TET3: variants seen among roughly 807,000 people sequenced by gnomAD.
TET3 encodes the protein methylcytosine dioxygenase TET3.
TET3 carries 19 observed loss-of-function variants against 141.4 expected under a neutral mutation model. The ratio of observed to expected loss-of-function variants is 0.13; its 90% CI spans 0.09 to 0.20. The LOEUF (loss-of-function observed/expected upper bound fraction) is 0.20. TET3 is among the 10% of genes least tolerant of loss of function. The pLI, the probability that TET3 is intolerant of heterozygous loss-of-function variation, is 1.00. For missense variants in TET3, 1,874 were observed against 2,356.9 expected, an observed-to-expected ratio of 0.80 and a Z score of 4.24; for synonymous variants, 1,043 against 980.9, an observed-to-expected ratio of 1.06 and a Z score of -1.18.
chr2:74,124,662 A>G, the TET3 span, among the ~76,000 whole-genome samples: 3 of 152,158 alleles, frequency 2.0e-5, no homozygotes, highest in Admixed American at 6.5e-5. Flanking sequence ...TGCTGTGTCC[A>G]CTCAGGGTTA....
Position 74,104,891 on chromosome 2 carries a change from A to G in TET3, c.*2715A>G, listed in dbSNP as rs1297914684. The G allele has an allele frequency of 6.2e-6, 2 of 320,952 alleles. No individual in the cohort carries two copies. The highest frequency in any genetic ancestry group is 1.1e-5 in the Non-Finnish European group (2 of 178,500). 19.9% of individuals were successfully genotyped at this position (320,952 alleles called of 1,614,324 possible). On this transcript the variant is annotated 3_prime_UTR_variant, in exon 12 of 12. Transcript: ENST00000409262. ...TCCATTGGATGTCCCCACTCCCCGCAGAATGGCGTTTCCAGAGTTAGGCGG... is the reference window on the plus strand; with the variant it reads ...TCCATTGGATGTCCCCACTCCCCGCGGAATGGCGTTTCCAGAGTTAGGCGG...
At chr2:74,130,637 T>C in the TET3 span, 1 of 152,300 alleles carries the variant, frequency 6.6e-6, no homozygotes, top group Admixed American at 6.5e-5. Flanking sequence ...CAACAACGTC[T>C]GGACCCGGGG....
intron 4 of TET3, among the ~76,000 whole-genome samples, chr2:74,068,702 A>G (rs1689040186): frequency 6.6e-6 from 1 of 152,214 alleles, no homozygotes; most frequent in Non-Finnish European, 1.5e-5. Flanking sequence ...TTGCTAAATT[A>G]TTCTTTATAC....
At chr2:74,019,955 C>T (rs1285706543) in intron 3 of TET3, among the ~76,000 whole-genome samples, 7 of 152,172 alleles carry the variant, frequency 4.6e-5, no homozygotes, top group Non-Finnish European at 2.9e-5. Flanking sequence ...CACAAACAAA[C>T]TTATCTGCAG....
In TET3 at chr2:74,047,346, G is replaced by T; in HGVS notation, c.1429G>T (p.Val477Leu). Reference protein sequence around the residue: ...LGSASDYIQSVFKRPEALPTK... With the variant: ...LGSASDYIQSLFKRPEALPTK... ...CAGCGCCAGTGATTACATCCAGTCA[G>T]TATTCAAGCGGCCTGAGGCCCTGCC... The change falls in exon 4 of 12, where the codon GTA becomes TTA. Residue 477 changes from valine (V) to leucine (L), a missense_variant. By Grantham distance (32) the Val-to-Leu change is conservative. Transcript: ENST00000409262. 1 of 1,614,018 alleles carries T rather than the reference G, an allele frequency of 6.2e-7. No individual in the cohort carries two copies. The highest frequency in any genetic ancestry group is 8.5e-7 in the Non-Finnish European group (1 of 1,179,884).
the TET3 span, among the ~76,000 whole-genome samples, chr2:74,116,765 GAACA>G: frequency 1.3e-4 from 20 of 150,086 alleles, no homozygotes; most frequent in Non-Finnish European, 2.4e-4. Context: ...AAAATTAAAA[GAACA>G]AACAAAAAGA....
Position 74,013,439 on chromosome 2 carries a change from A to G in TET3, c.360+10273A>G, listed in dbSNP as rs538842971. Among the ~76,000 whole-genome samples the G allele has an allele frequency of 5.6e-4, 85 of 152,306 alleles. 1 individual carries two copies. Among genetic ancestry groups the G allele is most frequent in the African/African-American group, 1.9e-3 (80 of 41,554 alleles). ...AGTATTAGAATAATAGTAACTTCATATAATGGACTGTGAAGGCTTTTCTTC... is the reference window on the plus strand; with the variant it reads ...AGTATTAGAATAATAGTAACTTCATGTAATGGACTGTGAAGGCTTTTCTTC... On this transcript the variant is annotated intron_variant, in intron 3 of 11. Transcript: ENST00000409262.
intron 10 of TET3, among the ~76,000 whole-genome samples, chr2:74,096,738 A>G (rs970824339): frequency 6.7e-6 from 1 of 149,512 alleles, no homozygotes; most frequent in East Asian, 2.0e-4. Context: ...ACTGCACTCC[A>G]GCCTGTGCAA....
chr2:74,045,196 G>A (rs1451814704), intron 3 of TET3, among the ~76,000 whole-genome samples: 3 of 152,296 alleles, frequency 2.0e-5, no homozygotes, highest in Non-Finnish European at 4.4e-5. Flanking sequence ...GTGTTGTTTT[G>A]TCTCAGTATT....
chr2:74,061,544 G>A (rs1448925700), intron 4 of TET3, among the ~76,000 whole-genome samples: 5 of 148,406 alleles, frequency 3.4e-5, no homozygotes, highest in East Asian at 2.1e-4. Flanking sequence ...AGGGGCGGCC[G>A]GGCAGAGGCG....
chr2:74,124,552 A>G, the TET3 span, among the ~76,000 whole-genome samples: 1,538 of 152,374 alleles, frequency 0.01, 24 homozygotes, highest in African/African-American at 0.036. Context: ...GAAAGTAGAC[A>G]TGGGAGACTC....
chr2:73,990,744 T>C (rs1259243476), intron 2 of TET3, among the ~76,000 whole-genome samples: 1 of 152,216 alleles, frequency 6.6e-6, no homozygotes, highest in African/African-American at 2.4e-5. Flanking sequence ...TGAGTCAAGA[T>C]ACCTTGGAAT....
At chr2:74,099,669 C>G in intron 11 of TET3, 57 bp downstream of exon 11, 2 of 1,455,870 alleles carry the variant, frequency 1.4e-6, no homozygotes, top group Non-Finnish European at 1.8e-6. Flanking sequence ...TCATGGGGGC[C>G]CCTGCTCTTC....
chr2:74,093,459 C>A lies in TET3; in HGVS notation c.3130-70C>A. 1 of 1,485,486 alleles carries A rather than the reference C, an allele frequency of 6.7e-7. No individual in the cohort carries two copies. The highest frequency in any genetic ancestry group is 1.4e-5 in the African/African-American group (1 of 71,644). The allele number at this position is 1,485,486 out of a possible 1,614,324, so 92.0% of individuals were successfully genotyped here. A position where few individuals can be genotyped will look rare whatever the true frequency, so the allele number is the denominator to read the frequency against. On this transcript the variant is annotated intron_variant, in intron 9 of 11. Transcript: ENST00000409262. The surrounding 1 kb of genome is among the most constrained non-coding windows in gnomAD (Gnocchi z 4.2). The stretch of plus-strand genomic sequence containing the variant: ...AACATCCCTCCTTCCAAGACCTGGC[C>A]TCCCCAGGTGCAGAATCGGGGCCAC...
At chr2:74,064,235 G>A (rs948224960) in intron 4 of TET3, among the ~76,000 whole-genome samples, 2 of 151,870 alleles carry the variant, frequency 1.3e-5, no homozygotes, top group Non-Finnish European at 2.9e-5. Flanking sequence ...CATGAATTTG[G>A]TCATAGCTTT....
chr2:74,014,090 G>A (rs1685606436), intron 3 of TET3, among the ~76,000 whole-genome samples: 1 of 151,578 alleles, frequency 6.6e-6, no homozygotes. Flanking sequence ...TAATTTAAAA[G>A]CACACAGATC....
the TET3 span, chr2:74,120,895 A>G: frequency 6.6e-6 from 1 of 152,186 alleles, no homozygotes; most frequent in East Asian, 1.9e-4. Context: ...CACGCTAGGC[A>G]GCATTAAGTT....
At chr2:74,060,972 C>G (rs940875201) in intron 4 of TET3, among the ~76,000 whole-genome samples, 6 of 152,176 alleles carry the variant, frequency 3.9e-5, no homozygotes, top group African/African-American at 1.2e-4. Context: ...CCTTTCCCCC[C>G]TTTCTATTCC....
the TET3 span, among the ~76,000 whole-genome samples, chr2:74,124,835 A>C: frequency 1.3e-5 from 2 of 151,816 alleles, no homozygotes; most frequent in African/African-American, 4.8e-5. Flanking sequence ...ACCCTTGTTC[A>C]CATGTTTATC....
Sources: gnomAD v4.1 joint callset for allele counts (sites outside exome capture counted in the v4.1 genomes callset) on GRCh38, gnomAD v4.1.1 for gene constraint, Gnocchi (gnomAD v3.1) non-coding constraint, MANE v1.5 for transcripts, NCBI Gene and HGNC (gene_info 2026-07-23, HGNC 2026-07-21) for gene names.